Variants in SYT14 observed in about 807,000 individuals in gnomAD.
SYT14 encodes synaptotagmin 14.
Under a neutral mutation model 74.2 loss-of-function variants are expected in SYT14, and 32 were observed. The ratio of observed to expected loss-of-function variants is 0.43; its 90% CI spans 0.33 to 0.58. The LOEUF is 0.58. Ranked by LOEUF, SYT14 falls within the 20% of genes least tolerant of loss-of-function variation. SYT14 has a pLI of 0.05. For synonymous variants in SYT14, 298 were observed against 337.7 expected (o/e 0.88, Z 1.29); for missense variants, 791 against 981.8 (o/e 0.81, Z 2.60).
intron 7 of SYT14, among the ~76,000 whole-genome samples, chr1:210,143,806 C>T (rs2082971325): frequency 6.6e-6 from 1 of 151,956 alleles, no homozygotes; most frequent in Non-Finnish European, 1.5e-5. Flanking sequence ...TTATTTATAA[C>T]TCAAAAAAGT....
chr1:210,146,749 CTA>C (rs1404757234), intron 7 of SYT14, among the ~76,000 whole-genome samples: 23 of 150,542 alleles, frequency 1.5e-4, no homozygotes, highest in African/African-American at 5.4e-4. Context: ...ATACTACATA[CTA>C]TATGTTATAT....
chr1:210,047,467 A>G (rs1038611332), intron 5 of SYT14, among the ~76,000 whole-genome samples: 3 of 152,060 alleles, frequency 2.0e-5, no homozygotes, highest in African/African-American at 4.8e-5. Flanking sequence ...GCGCAATCTC[A>G]ACTAACTGCA....
intron 5 of SYT14, among the ~76,000 whole-genome samples, chr1:210,060,711 A>G (rs182938129): frequency 1.3e-5 from 2 of 152,040 alleles, no homozygotes; most frequent in African/African-American, 4.8e-5. Context: ...CCATGCTGCT[A>G]TTATTGCTGA....
At chr1:210,140,330 T>C (rs2082888760) in intron 7 of SYT14, among the ~76,000 whole-genome samples, 1 of 152,206 alleles carries the variant, frequency 6.6e-6, no homozygotes, top group Admixed American at 6.5e-5. Context: ...AATTTTGCCT[T>C]TGGATAAATT....
exon 4 of SYT14, chr1:210,016,210 T>C: frequency 8.1e-7 from 1 of 1,232,088 alleles, no homozygotes; most frequent in Non-Finnish European, 1.0e-6. Context: ...CTGTAGACAC[T>C]TCTAAACAAA....
chr1:209,974,821 A>G (rs1025857655), intron 2 of SYT14, among the ~76,000 whole-genome samples: 1 of 152,160 alleles, frequency 6.6e-6, no homozygotes, highest in African/African-American at 2.4e-5. Flanking sequence ...CATTTTCACA[A>G]TATTGATTAT....
chr1:209,971,141 G>A (rs991010799), intron 2 of SYT14, among the ~76,000 whole-genome samples: 1 of 152,034 alleles, frequency 6.6e-6, no homozygotes, highest in Admixed American at 6.5e-5. Context: ...CTTTTTTTAT[G>A]TGGCTATTAT....
intron 5 of SYT14, among the ~76,000 whole-genome samples, chr1:210,071,625 A>G (rs1337697503): frequency 6.6e-6 from 1 of 151,986 alleles, no homozygotes; most frequent in Non-Finnish European, 1.5e-5. Context: ...TTTTTGTAGG[A>G]GCTGAGTTTG....
intron 5 of SYT14, among the ~76,000 whole-genome samples, chr1:210,041,716 G>C (rs1411671026): frequency 2.0e-5 from 3 of 152,082 alleles, no homozygotes; most frequent in Non-Finnish European, 2.9e-5. Flanking sequence ...GAGGAAACAA[G>C]GTGGAGGAGA....
intron 2 of SYT14, among the ~76,000 whole-genome samples, chr1:210,008,776 A>T (rs1291203189): frequency 1.3e-5 from 2 of 152,202 alleles, no homozygotes; most frequent in Non-Finnish European, 2.9e-5. Context: ...TAGATAAATT[A>T]CATTATCTTA....
intron 2 of SYT14, among the ~76,000 whole-genome samples, chr1:209,968,172 G>GCCT (rs1355173283): frequency 6.6e-6 from 1 of 152,108 alleles, no homozygotes; most frequent in African/African-American, 2.4e-5. Flanking sequence ...ACAGAATGTA[G>GCCT]CCTCATCTTA....
At chr1:210,128,285 G>A (rs540116726) in intron 7 of SYT14, among the ~76,000 whole-genome samples, 1 of 152,148 alleles carries the variant, frequency 6.6e-6, no homozygotes, top group South Asian at 2.1e-4. Flanking sequence ...GCTGAGGTGG[G>A]AGGATTGCTT....
Position 210,013,617 on chromosome 1 carries a change from C to CT in SYT14, c.-485-7dup, listed in dbSNP as rs748912589. On this transcript the variant is annotated splice_polypyrimidine_tract_variant and intron_variant, in intron 2 of 9. Transcript: ENST00000637265. ...GAAAAATAAATGCTTACAGCTGTGA[C>CT]TTTTTTTTTCTCTAGTATCTCCAGA... 150 of 1,594,462 alleles carry CT rather than the reference C, an allele frequency of 9.4e-5. No individual in the cohort carries two copies. Among genetic ancestry groups the CT allele is most frequent in the South Asian group, 2.7e-4 (24 of 88,154 alleles).
intron 5 of SYT14, among the ~76,000 whole-genome samples, chr1:210,055,221 A>T (rs1477609457): frequency 6.6e-6 from 1 of 152,188 alleles, no homozygotes; most frequent in Non-Finnish European, 1.5e-5. Flanking sequence ...AACTTTTCAG[A>T]GTCTTTTCTT....
rs1316244522 is a variant in SYT14 at position 210,037,544 on chromosome 1, ATTG to A, written c.1312+16302_1312+16304del. On this transcript the variant is annotated intron_variant, in intron 5 of 9. Transcript: ENST00000637265. ...TGATTTTTCTGTTTTTTTTTTTTTTATTGTTGTTGTTGTTAATATAGGTACATA... is the reference window on the plus strand; with the variant it reads ...TGATTTTTCTGTTTTTTTTTTTTTTATTGTTGTTGTTAATATAGGTACATA... Among the ~76,000 whole-genome samples, 12 of 117,024 alleles carry A rather than the reference ATTG, an allele frequency of 1.0e-4. No homozygotes were observed. In the South Asian group the frequency reaches 1.8e-3, roughly 18 times the overall value. 76.8% of individuals were successfully genotyped at this position (117,024 alleles called of 152,430 possible). A position where few individuals can be genotyped will look rare whatever the true frequency, so the allele number is the denominator to read the frequency against.
chr1:210,124,829 A>C (rs1010801050), intron 7 of SYT14, among the ~76,000 whole-genome samples: 1 of 152,092 alleles, frequency 6.6e-6, no homozygotes, highest in Non-Finnish European at 1.5e-5. Context: ...ATTGCTTGGC[A>C]AACTACAAAT....
chr1:210,129,801 A>C (rs2082637404), intron 7 of SYT14, among the ~76,000 whole-genome samples: 1 of 152,200 alleles, frequency 6.6e-6, no homozygotes, highest in African/African-American at 2.4e-5. Context: ...GAAAACGGTG[A>C]TTCTCAATCT....
In SYT14 at chr1:209,989,918, T is replaced by G. The variant is rs990607663; in HGVS notation, c.-485-23715T>G. ...TTATATTTTCATTTCAATTTATACT[T>G]TTTAAAATTCAGCTATATATTGGTC... On this transcript the variant is annotated intron_variant, in intron 2 of 9. Coordinates refer to ENST00000637265, the Ensembl canonical transcript of SYT14. Among the ~76,000 whole-genome samples the G allele has an allele frequency of 3.7e-4, 56 of 152,272 alleles. 1 individual carries two copies. The highest frequency in any genetic ancestry group is 4.6e-4 in the Admixed American group (7 of 15,286).
chr1:210,083,196 T>C (rs951791857), intron 5 of SYT14, among the ~76,000 whole-genome samples: 6 of 152,132 alleles, frequency 3.9e-5, no homozygotes, highest in Non-Finnish European at 8.8e-5. Flanking sequence ...CTCACTATCT[T>C]GGCCAGGCTG....
Sources: allele counts gnomAD v4.1 joint callset (sites outside exome capture counted in the v4.1 genomes callset), GRCh38; gene constraint gnomAD v4.1.1; transcripts MANE v1.5; gene names NCBI Gene and HGNC (gene_info 2026-07-23, HGNC 2026-07-21).